The following C2orf66 variants were observed in gnomAD, a reference collection of about 807,000 sequenced individuals.
The protein encoded by C2orf66 is uncharacterized protein C2orf66.
In C2orf66, 6 loss-of-function variants were observed where a neutral mutation model predicts 7.0. The ratio of observed to expected loss-of-function variants is 0.86; its 90% CI spans 0.47 to 1.69. The LOEUF (loss-of-function observed/expected upper bound fraction) is 1.69. Ranked by LOEUF, C2orf66 falls within the 40% of genes most tolerant of loss-of-function variation. The pLI, the probability that C2orf66 is intolerant of heterozygous loss-of-function variation, is 0.01. For missense variants in C2orf66, 107 were observed against 112.0 expected (o/e 0.96, Z 0.20); for synonymous variants, 38 against 43.8 (o/e 0.87, Z 0.52).
At chr2:196,824,051 T>G in the C2orf66 span, among the ~76,000 whole-genome samples, 1 of 152,146 alleles carries the variant, frequency 6.6e-6, no homozygotes, top group African/African-American at 2.4e-5. Context: ...GAAACAATTT[T>G]TTTTCAAGTT....
At chr2:196,828,228 T>TCTCA in the C2orf66 span, among the ~76,000 whole-genome samples, 6 of 127,332 alleles carry the variant, frequency 4.7e-5, no homozygotes, top group Non-Finnish European at 9.7e-5. Flanking sequence ...TCTCTCTCTC[T>TCTCA]CTCACACACA....
upstream of C2orf66, among the ~76,000 whole-genome samples, chr2:196,810,859 A>G (rs1161751675): frequency 4.6e-5 from 7 of 152,270 alleles, no homozygotes; most frequent in Admixed American, 6.5e-5. Context: ...TAATAAATAC[A>G]GTCCTTGCCC....
chr2:196,832,034 G>C, the C2orf66 span: 1 of 151,988 alleles, frequency 6.6e-6, no homozygotes. Context: ...TTTTTCTCAC[G>C]TCAGAAATAT....
At chr2:196,819,381 C>A in the C2orf66 span, among the ~76,000 whole-genome samples, 1 of 152,270 alleles carries the variant, frequency 6.6e-6, no homozygotes, top group East Asian at 1.9e-4. Flanking sequence ...CCTCAAAGAA[C>A]TCTCCTGCCC....
At chr2:196,832,056 A>G in the C2orf66 span, 2 of 152,164 alleles carry the variant, frequency 1.3e-5, no homozygotes, top group African/African-American at 2.4e-5. Flanking sequence ...TCAAGTTAGC[A>G]TAAGAAATGT....
At chr2:196,825,331 C>T in the C2orf66 span, among the ~76,000 whole-genome samples, 2 of 151,242 alleles carry the variant, frequency 1.3e-5, no homozygotes, top group Non-Finnish European at 2.9e-5. Flanking sequence ...CACTAATAAT[C>T]AGGAAAATGC....
At chr2:196,809,115 C>A in intron 1 of C2orf66, 99 bp downstream of exon 1, 1 of 1,265,904 alleles carries the variant, frequency 7.9e-7, no homozygotes. Flanking sequence ...CCCTTGGTAG[C>A]CCCCTTTCCA....
rs1053325025 is a variant in C2orf66, at chr2:196,805,355, G to T, written c.*73C>A. On this transcript the variant is annotated 3_prime_UTR_variant, in exon 3 of 3. Coordinates refer to ENST00000342506, the MANE Select transcript of C2orf66 (RefSeq NM_213608.3). The stretch of plus-strand genomic sequence containing the variant: ...TCCATGAAAGTTTAGCTATGACAAT[G>T]GTTGAATTTTTCTAATGAGAAGCTT... 2 of 152,098 alleles carry T rather than the reference G, an allele frequency of 1.3e-5. No individual in the cohort carries two copies. Among genetic ancestry groups the T allele is most frequent in the African/African-American group, 4.8e-5 (2 of 41,418 alleles). The allele number at this position is 152,098 out of a possible 1,614,324, so 9.4% of individuals were successfully genotyped here.
intron 1 of C2orf66, 55 bp from the exon 2 acceptor site, chr2:196,807,677 A>T: frequency 1.4e-6 from 2 of 1,425,970 alleles, no homozygotes; most frequent in Non-Finnish European, 1.9e-6. Flanking sequence ...ACCAAAAATA[A>T]AGGTGTTTTT....
upstream of C2orf66, among the ~76,000 whole-genome samples, chr2:196,810,913 G>A (rs772921954): frequency 7.9e-5 from 12 of 152,170 alleles, no homozygotes; most frequent in Non-Finnish European, 1.8e-4. Context: ...TAATCAAATC[G>A]TACAACCAAA....
chr2:196,827,933 C>G, the C2orf66 span, among the ~76,000 whole-genome samples: 1 of 152,162 alleles, frequency 6.6e-6, no homozygotes, highest in Non-Finnish European at 1.5e-5. Flanking sequence ...TTAGGCACAA[C>G]TAGAAAGTCC....
the C2orf66 span, among the ~76,000 whole-genome samples, chr2:196,829,646 C>T: frequency 6.6e-6 from 1 of 151,820 alleles, no homozygotes; most frequent in Admixed American, 6.6e-5. Flanking sequence ...ACCTGTAATC[C>T]CAGCACTTTG....
the C2orf66 span, among the ~76,000 whole-genome samples, chr2:196,831,703 C>T: frequency 6.6e-6 from 1 of 152,112 alleles, no homozygotes; most frequent in African/African-American, 2.4e-5. Flanking sequence ...ACACCTGGGG[C>T]AGTCACAAGA....
At chr2:196,827,460 TA>T in the C2orf66 span, among the ~76,000 whole-genome samples, 1 of 151,702 alleles carries the variant, frequency 6.6e-6, no homozygotes, top group Admixed American at 6.6e-5. Context: ...TTCCAGAAAA[TA>T]AATTTCCTCC....
the C2orf66 span, among the ~76,000 whole-genome samples, chr2:196,815,027 C>A: frequency 6.6e-6 from 1 of 152,110 alleles, no homozygotes; most frequent in Non-Finnish European, 1.5e-5. Flanking sequence ...TGCAGTGGTA[C>A]AATCACAGCT....
At chr2:196,828,800 A>C in the C2orf66 span, among the ~76,000 whole-genome samples, 14 of 152,188 alleles carry the variant, frequency 9.2e-5, no homozygotes, top group Admixed American at 2.6e-4. Flanking sequence ...CCAGAGTTCA[A>C]GAGTCCCCGG....
At chr2:196,820,422 CTAAT>C in the C2orf66 span, among the ~76,000 whole-genome samples, 1 of 152,162 alleles carries the variant, frequency 6.6e-6, no homozygotes, top group African/African-American at 2.4e-5. Flanking sequence ...TTCCTTTTAA[CTAAT>C]TATTTAGATT....
the C2orf66 span, among the ~76,000 whole-genome samples, chr2:196,828,640 T>C: frequency 6.6e-6 from 1 of 152,208 alleles, no homozygotes; most frequent in South Asian, 2.1e-4. Context: ...ATTATGTCAG[T>C]GGACCTAAGA....
the C2orf66 span, among the ~76,000 whole-genome samples, chr2:196,822,084 T>A: frequency 6.6e-6 from 1 of 151,796 alleles, no homozygotes; most frequent in Non-Finnish European, 1.5e-5. Context: ...CCAGCTAATT[T>A]TTGTATTTTT....
Sources: gnomAD v4.1 joint callset for allele counts (sites outside exome capture counted in the v4.1 genomes callset) on GRCh38, gnomAD v4.1.1 for gene constraint, MANE v1.5 for transcripts, NCBI Gene and HGNC (gene_info 2026-07-23, HGNC 2026-07-21) for gene names.